Variants in PPARGC1A observed in about 807,000 individuals in gnomAD.
PPARGC1A encodes the protein peroxisome proliferator-activated receptor gamma coactivator 1-alpha.
A neutral mutation model predicts 88.7 loss-of-function variants in PPARGC1A; 25 were observed. That is an observed-to-expected ratio of 0.28 (90% confidence interval 0.21 to 0.39). The LOEUF (loss-of-function observed/expected upper bound fraction) is 0.39, where lower values mean the gene tolerates loss of function less well. Among genes scored for constraint, PPARGC1A ranks in the 10% least tolerant of loss-of-function variants. PPARGC1A has a pLI of 1.00. For missense variants in PPARGC1A, 880 were observed against 968.7 expected (o/e 0.91, Z 1.22); for synonymous variants, 363 against 355.6 (o/e 1.02, Z -0.24).
the PPARGC1A span, among the ~76,000 whole-genome samples, chr4:23,957,200 C>A: frequency 6.6e-6 from 1 of 152,102 alleles, no homozygotes; most frequent in Admixed American, 6.6e-5. Context: ...TCAGATGCCT[C>A]CTTCTCCCCT....
At chr4:24,417,857 C>T in the PPARGC1A span, among the ~76,000 whole-genome samples, 1 of 151,944 alleles carries the variant, frequency 6.6e-6, no homozygotes, top group Non-Finnish European at 1.5e-5. Context: ...TTTCATTTTG[C>T]TCATCTGTAC....
the PPARGC1A span, among the ~76,000 whole-genome samples, chr4:24,118,736 C>T: frequency 1.3e-5 from 2 of 152,136 alleles, no homozygotes; most frequent in South Asian, 2.1e-4. Context: ...GCCATATCCA[C>T]ATCTATTTAT....
chr4:24,303,871 G>C, the PPARGC1A span, among the ~76,000 whole-genome samples: 6 of 152,190 alleles, frequency 3.9e-5, no homozygotes, highest in Non-Finnish European at 8.8e-5. Context: ...ACTAAACTCT[G>C]TATTGCTCAA....
At chr4:24,334,571 T>C in the PPARGC1A span, among the ~76,000 whole-genome samples, 1 of 152,228 alleles carries the variant, frequency 6.6e-6, no homozygotes, top group Non-Finnish European at 1.5e-5. Context: ...ACCACAGTCT[T>C]GGCAAAGTAC....
intron 2 of PPARGC1A, among the ~76,000 whole-genome samples, chr4:23,873,841 A>G (rs1311046956): frequency 3.3e-5 from 5 of 152,194 alleles, no homozygotes; most frequent in African/African-American, 1.2e-4. Context: ...CTACTCACAC[A>G]TACACAACCC....
the PPARGC1A span, among the ~76,000 whole-genome samples, chr4:24,225,052 T>C: frequency 3.9e-5 from 6 of 152,120 alleles, no homozygotes; most frequent in Non-Finnish European, 8.8e-5. Flanking sequence ...GGCTGGGGCT[T>C]CAGAGACAAT....
chr4:24,354,313 C>T, the PPARGC1A span, among the ~76,000 whole-genome samples: 1 of 152,112 alleles, frequency 6.6e-6, no homozygotes, highest in African/African-American at 2.4e-5. Flanking sequence ...TCTGCAAAGT[C>T]TCTTCTGCCA....
intron 10 of PPARGC1A, among the ~76,000 whole-genome samples, chr4:23,808,777 G>A (rs1720338736): frequency 6.6e-6 from 1 of 152,036 alleles, no homozygotes; most frequent in Non-Finnish European, 1.5e-5. Context: ...TTTGTTTTTG[G>A]ATTTGGCTCA....
chr4:24,074,987 A>G, the PPARGC1A span, among the ~76,000 whole-genome samples: 1 of 152,162 alleles, frequency 6.6e-6, no homozygotes, highest in African/African-American at 2.4e-5. Flanking sequence ...CACCTAGGTG[A>G]GCCCTAAGCA....
At chr4:24,122,416 C>CATGT in the PPARGC1A span, among the ~76,000 whole-genome samples, 3 of 128,124 alleles carry the variant, frequency 2.3e-5, no homozygotes, top group African/African-American at 8.7e-5. Flanking sequence ...TGTGTGTGTG[C>CATGT]ATATATATAT....
the PPARGC1A span, among the ~76,000 whole-genome samples, chr4:24,022,164 G>A: frequency 6.6e-6 from 1 of 152,112 alleles, no homozygotes; most frequent in Non-Finnish European, 1.5e-5. Context: ...TTGCTCCTTG[G>A]CACAGCAAGC....
At chr4:23,938,610 A>G in the PPARGC1A span, among the ~76,000 whole-genome samples, 2 of 152,222 alleles carry the variant, frequency 1.3e-5, no homozygotes, top group Non-Finnish European at 2.9e-5. Context: ...AGTGTAAAGC[A>G]CCATGAACAT....
At chr4:24,060,637 A>G in the PPARGC1A span, among the ~76,000 whole-genome samples, 1 of 152,196 alleles carries the variant, frequency 6.6e-6, no homozygotes, top group African/African-American at 2.4e-5. Flanking sequence ...AAAGGGAGCA[A>G]TTTGAAGGGA....
the PPARGC1A span, among the ~76,000 whole-genome samples, chr4:24,341,314 CAT>C: frequency 1.3e-5 from 2 of 151,904 alleles, no homozygotes; most frequent in Admixed American, 6.6e-5. Context: ...AAAATCTGCA[CAT>C]ATTTTCCTTC....
At chr4:24,448,226 G>A in the PPARGC1A span, among the ~76,000 whole-genome samples, 5 of 152,162 alleles carry the variant, frequency 3.3e-5, no homozygotes, top group South Asian at 2.1e-4. Context: ...GCTGTTTAAC[G>A]TTTGAGGAGC....
the PPARGC1A span, among the ~76,000 whole-genome samples, chr4:24,324,512 T>C: frequency 6.1e-4 from 93 of 152,128 alleles, 1 homozygote; most frequent in African/African-American, 1.8e-3. Context: ...TCCTCCTCCT[T>C]CTCCCTTAGC....
chr4:24,064,497 G>A, the PPARGC1A span, among the ~76,000 whole-genome samples: 1 of 152,070 alleles, frequency 6.6e-6, no homozygotes, highest in East Asian at 1.9e-4. Flanking sequence ...GTGGTGACAG[G>A]GAGAAGAGGG....
At chr4:24,302,449 C>T in the PPARGC1A span, among the ~76,000 whole-genome samples, 2 of 152,144 alleles carry the variant, frequency 1.3e-5, no homozygotes, top group South Asian at 2.1e-4. Context: ...GCCCCTGCCC[C>T]GCAGGCCACT....
At chr4:24,045,578 A>G in the PPARGC1A span, among the ~76,000 whole-genome samples, 1 of 152,140 alleles carries the variant, frequency 6.6e-6, no homozygotes, top group African/African-American at 2.4e-5. Flanking sequence ...TGGCTTGTAG[A>G]TACATCACTT....
Sources: gnomAD v4.1 joint callset for allele counts (sites outside exome capture counted in the v4.1 genomes callset) on GRCh38, gnomAD v4.1.1 for gene constraint, MANE v1.5 for transcripts, NCBI Gene and HGNC (gene_info 2026-07-23, HGNC 2026-07-21) for gene names.